The following SYNPR variants were observed in gnomAD, a reference collection of about 807,000 sequenced individuals.
SYNPR encodes synaptoporin.
A neutral mutation model predicts 32.9 loss-of-function variants in SYNPR; 23 were observed. That is an observed-to-expected ratio of 0.70 (90% confidence interval 0.50 to 0.99). The LOEUF is 0.99. SYNPR is among the 50% of genes least tolerant of loss of function. The probability of loss-of-function intolerance (pLI) is 0.00; values close to 1 mark genes in which losing one functional copy is unlikely to be tolerated. For missense variants in SYNPR, 318 were observed against 349.3 expected, an observed-to-expected ratio of 0.91 and a Z score of 0.71; for synonymous variants, 146 against 135.9, an observed-to-expected ratio of 1.07 and a Z score of -0.52.
chr3:63,608,280 T>C (rs1700152095), intron 4 of SYNPR, among the ~76,000 whole-genome samples: 1 of 152,126 alleles, frequency 6.6e-6, no homozygotes, highest in Non-Finnish European at 1.5e-5. Context: ...TTGATATGGA[T>C]AAAAGCTTCT....
chr3:63,245,041 G>T (rs1488002274), intron 1 of SYNPR, among the ~76,000 whole-genome samples: 1 of 152,112 alleles, frequency 6.6e-6, no homozygotes, highest in East Asian at 1.9e-4. Context: ...GACGTTTTCT[G>T]CCATGGCTAT....
chr3:63,451,205 A>T (rs1031045303), intron 2 of SYNPR, among the ~76,000 whole-genome samples: 1 of 152,156 alleles, frequency 6.6e-6, no homozygotes, highest in Non-Finnish European at 1.5e-5. Flanking sequence ...GCAGGCCTGG[A>T]CAATAGCATT....
chr3:63,565,083 TA>T (rs1702758973), intron 4 of SYNPR, among the ~76,000 whole-genome samples: 1 of 152,190 alleles, frequency 6.6e-6, no homozygotes, highest in African/African-American at 2.4e-5. Flanking sequence ...GTCTTTCCTA[TA>T]TGTTTTCTTT....
chr3:63,289,878 C>T (rs183052444), intron 2 of SYNPR, among the ~76,000 whole-genome samples: 85 of 152,236 alleles, frequency 5.6e-4, no homozygotes, highest in South Asian at 2.3e-3. Flanking sequence ...CGCCTGTAAT[C>T]CCAGCACTTT....
Position 63,435,247 on chromosome 3 carries a change from C to A in SYNPR, c.85-45585C>A, listed in dbSNP as rs192259456. ...AGGCAGACTTTGGCAACTTACTGAA[C>A]CGCACTAAACCTTATCATTTTCGTT... is the stretch of plus-strand genomic sequence containing the variant. On this transcript the variant is annotated intron_variant, in intron 2 of 5. Transcript: ENST00000478300. 3.7e-3 allele frequency among the ~76,000 whole-genome samples: 567 copies of A among 152,298 alleles called. 12 individuals are homozygous for A. The highest frequency in any genetic ancestry group is 0.034 in the Admixed American group (513 of 15,308).
At chr3:63,247,783 A>G (rs2086303198) in intron 1 of SYNPR, among the ~76,000 whole-genome samples, 1 of 152,110 alleles carries the variant, frequency 6.6e-6, no homozygotes, top group Non-Finnish European at 1.5e-5. Flanking sequence ...GAGTCAGCCT[A>G]AATACCGTGA....
intron 3 of SYNPR, among the ~76,000 whole-genome samples, chr3:63,519,909 C>T (rs1701873860): frequency 6.6e-6 from 1 of 152,114 alleles, no homozygotes; most frequent in African/African-American, 2.4e-5. Context: ...TCACATCACC[C>T]TGAGATAACC....
intron 2 of SYNPR, among the ~76,000 whole-genome samples, chr3:63,256,956 A>G (rs909551908): frequency 2.0e-5 from 3 of 152,134 alleles, no homozygotes; most frequent in Non-Finnish European, 4.4e-5. Flanking sequence ...ATCAACTGGA[A>G]GAAAGGGTAT....
At chr3:63,273,983 C>T (rs2086555759), upstream of SYNPR, among the ~76,000 whole-genome samples, 2 of 152,172 alleles carry the variant, frequency 1.3e-5, no homozygotes, top group Non-Finnish European at 2.9e-5. Context: ...CAAGATCAAA[C>T]ACACAAACAA....
chr3:63,398,228 G>T (rs979709143), intron 2 of SYNPR, among the ~76,000 whole-genome samples: 1 of 152,210 alleles, frequency 6.6e-6, no homozygotes, highest in South Asian at 2.1e-4. Context: ...TAACTGCATA[G>T]ATAGAGCGTA....
intron 2 of SYNPR, among the ~76,000 whole-genome samples, chr3:63,263,462 C>T (rs184662454): frequency 9.2e-5 from 14 of 152,366 alleles, no homozygotes; most frequent in African/African-American, 2.9e-4. Context: ...AAAATTGCTG[C>T]ATAATGAACC....
At chr3:63,548,576 G>T (rs1285720657) in intron 3 of SYNPR, among the ~76,000 whole-genome samples, 1 of 152,106 alleles carries the variant, frequency 6.6e-6, no homozygotes, top group Non-Finnish European at 1.5e-5. Flanking sequence ...TCTAAAAGCA[G>T]ATAAGTGCCA....
intron 2 of SYNPR, among the ~76,000 whole-genome samples, chr3:63,377,905 T>C (rs1396131935): frequency 2.0e-5 from 3 of 151,940 alleles, no homozygotes; most frequent in African/African-American, 7.2e-5. Flanking sequence ...TAAATATTAA[T>C]AGATCAAGTT....
chr3:63,349,239 A>G (rs2087475739), intron 2 of SYNPR, among the ~76,000 whole-genome samples: 2 of 152,008 alleles, frequency 1.3e-5, no homozygotes. Flanking sequence ...AGTAGCTGAG[A>G]TTACAGGCAC....
chr3:63,578,175 G>A (rs946872956), intron 4 of SYNPR, among the ~76,000 whole-genome samples: 1 of 152,126 alleles, frequency 6.6e-6, no homozygotes, highest in Non-Finnish European at 1.5e-5. Context: ...CTTCCCTTGG[G>A]ATAGTGTAAG....
chr3:63,586,371 T>C (rs1418218458), intron 4 of SYNPR, among the ~76,000 whole-genome samples: 2 of 151,828 alleles, frequency 1.3e-5, no homozygotes, highest in Admixed American at 6.6e-5. Context: ...AAAGGTCAAA[T>C]GCAGAAAAAA....
the SYNPR span, among the ~76,000 whole-genome samples, chr3:63,210,275 G>A: frequency 6.6e-6 from 1 of 152,190 alleles, no homozygotes; most frequent in Admixed American, 6.5e-5. Flanking sequence ...TGCTGAGAAT[G>A]GAGGAAAAGC....
At chr3:63,313,970 TATCC>T (rs1428395706) in intron 2 of SYNPR, among the ~76,000 whole-genome samples, 6 of 29,222 alleles carry the variant, frequency 2.1e-4, no homozygotes, top group African/African-American at 7.9e-4. Flanking sequence ...CATATATATA[TATCC>T]ATATATATAT....
intron 1 of SYNPR, among the ~76,000 whole-genome samples, chr3:63,248,901 T>C (rs574723621): frequency 2.6e-5 from 4 of 152,226 alleles, no homozygotes; most frequent in South Asian, 2.1e-4. Context: ...TATGATAACA[T>C]TGTCAACGCA....
Sources: gnomAD v4.1 joint callset for allele counts (sites outside exome capture counted in the v4.1 genomes callset) on GRCh38, gnomAD v4.1.1 for gene constraint, MANE v1.5 for transcripts, NCBI Gene and HGNC (gene_info 2026-07-23, HGNC 2026-07-21) for gene names.